Variants in SORBS2 observed in about 807,000 individuals in gnomAD.
The protein encoded by SORBS2 is sorbin and SH3 domain containing 2.
In SORBS2, 46 loss-of-function variants were observed where a neutral mutation model predicts 97.7. That is an observed-to-expected ratio of 0.47 (90% CI 0.37 to 0.60). SORBS2 has a LOEUF of 0.60. Among genes scored for constraint, SORBS2 ranks in the 20% least tolerant of loss-of-function variants. The probability of loss-of-function intolerance (pLI) is 0.00; values close to 1 mark genes in which losing one functional copy is unlikely to be tolerated. For synonymous variants in SORBS2, 476 were observed against 473.4 expected (o/e 1.01, Z -0.07); for missense variants, 1,316 against 1,282.3 (o/e 1.03, Z -0.40).
intron 2 of SORBS2, among the ~76,000 whole-genome samples, chr4:185,724,206 G>T (rs997280552): frequency 1.3e-5 from 2 of 151,604 alleles, no homozygotes; most frequent in South Asian, 4.2e-4. Context: ...TTCAGTATTG[G>T]CTTTTTTTTG....
chr4:185,824,608 C>A (rs1166678304), intron 1 of SORBS2, among the ~76,000 whole-genome samples: 1 of 152,128 alleles, frequency 6.6e-6, no homozygotes. Context: ...GACAACTCAA[C>A]TGAACTCAAT....
exon 1 of SORBS2, chr4:185,656,932 T>C: frequency 8.5e-7 from 1 of 1,179,780 alleles, no homozygotes; most frequent in Non-Finnish European, 1.0e-6. Context: ...ACATTAACTC[T>C]CTTCACTCCA....
intron 1 of SORBS2, among the ~76,000 whole-genome samples, chr4:185,953,674 G>A (rs1437940555): frequency 1.3e-5 from 2 of 152,216 alleles, no homozygotes; most frequent in Non-Finnish European, 2.9e-5. Flanking sequence ...TCTGTTGCTG[G>A]CTCCGTAGCC....
intron 12 of SORBS2, among the ~76,000 whole-genome samples, chr4:185,605,428 A>T (rs11132331): frequency 1.3e-5 from 2 of 151,932 alleles, no homozygotes; most frequent in South Asian, 2.1e-4. Context: ...GATTACAGGC[A>T]CCCAACACCA....
intron 1 of SORBS2, among the ~76,000 whole-genome samples, chr4:185,951,636 C>G (rs995825893): frequency 6.6e-6 from 1 of 152,192 alleles, no homozygotes; most frequent in Non-Finnish European, 1.5e-5. Flanking sequence ...TCCCTGGTAT[C>G]AGCAGTACCA....
chr4:185,779,734 G>A (rs1584701784), intron 1 of SORBS2, among the ~76,000 whole-genome samples: 1 of 152,190 alleles, frequency 6.6e-6, no homozygotes, highest in Non-Finnish European at 1.5e-5. Context: ...TAGATGTTTA[G>A]AGACCTCCCT....
chr4:185,865,461 GTAT>G (rs2099226348), intron 1 of SORBS2, among the ~76,000 whole-genome samples: 2 of 152,202 alleles, frequency 1.3e-5, no homozygotes, highest in South Asian at 2.1e-4. Context: ...ATCAGCAGAT[GTAT>G]TATTACCGGT....
rs1488175636 is a variant in SORBS2 at position 185,826,138 on chromosome 4, C to T, written c.-337-50772G>A. 2.6e-5 allele frequency among the ~76,000 whole-genome samples: 4 copies of T among 152,304 alleles called. No homozygotes were observed. In the East Asian group the frequency reaches 5.8e-4, roughly 22 times the overall value. ...ACACCTCATGAAATGTGGACTCAGA[C>T]AAAATATTTTAAAATTCATTTTGCC... On this transcript the variant is annotated intron_variant, in intron 1 of 20. Transcript: ENST00000284776.
intron 1 of SORBS2, among the ~76,000 whole-genome samples, chr4:185,864,635 G>T (rs2149719950): frequency 6.6e-6 from 1 of 152,342 alleles, no homozygotes; most frequent in African/African-American, 2.4e-5. Context: ...GAACGGCCGG[G>T]TGCGGTGGCT....
At chr4:185,950,446 T>C (rs756460573) in intron 1 of SORBS2, among the ~76,000 whole-genome samples, 7 of 152,110 alleles carry the variant, frequency 4.6e-5, no homozygotes, top group Non-Finnish European at 8.8e-5. Context: ...CCACAGTTAA[T>C]GGAAAAAGAG....
intron 1 of SORBS2, among the ~76,000 whole-genome samples, chr4:185,936,389 G>T (rs1274213731): frequency 6.6e-6 from 1 of 152,206 alleles, no homozygotes; most frequent in African/African-American, 2.4e-5. Context: ...AAGGCTGAAT[G>T]CAGTTGCACA....
chr4:185,939,516 T>C, intron 1 of SORBS2, among the ~76,000 whole-genome samples: 1 of 152,084 alleles, frequency 6.6e-6, no homozygotes, highest in East Asian at 1.9e-4. Flanking sequence ...GTCTCAACTT[T>C]CTTTTTTTTT....
intron 2 of SORBS2, among the ~76,000 whole-genome samples, chr4:185,681,739 A>G (rs1194084704): frequency 6.6e-6 from 1 of 152,072 alleles, no homozygotes; most frequent in East Asian, 1.9e-4. Flanking sequence ...TCTGTCTGAG[A>G]TTTTGTGCAA....
In SORBS2 at chr4:185,810,852, G is replaced by A. The variant is rs1028022802; in HGVS notation, c.-337-35486C>T. The A allele has an allele frequency of 6.0e-4, 92 of 152,134 alleles. 1 individual carries two copies. Among genetic ancestry groups the A allele is most frequent in the African/African-American group, 2.1e-3 (88 of 41,428 alleles). The allele number at this position is 152,134 out of a possible 1,614,324, so 9.4% of individuals were successfully genotyped here. A position where few individuals can be genotyped will look rare whatever the true frequency, so the allele number is the denominator to read the frequency against. On this transcript the variant is annotated intron_variant, in intron 1 of 20. Coordinates refer to the SORBS2 transcript ENST00000284776. ...GAGCGCAGATTTGGATGAGGTGTGC[G>A]GTGTTTTTGGTTTCACTCTTTATCT...
chr4:185,844,126 G>A (rs1314751415), intron 1 of SORBS2, among the ~76,000 whole-genome samples: 1 of 152,192 alleles, frequency 6.6e-6, no homozygotes, highest in Non-Finnish European at 1.5e-5. Context: ...AGAAAGGACA[G>A]TCTTGCTAAA....
intron 2 of SORBS2, among the ~76,000 whole-genome samples, chr4:185,691,001 G>A (rs1203776573): frequency 6.6e-6 from 1 of 151,978 alleles, no homozygotes; most frequent in Admixed American, 6.6e-5. Context: ...CTGGGTTCAA[G>A]CGATTCCCCT....
intron 6 of SORBS2, among the ~76,000 whole-genome samples, chr4:185,626,420 T>C (rs1465612349): frequency 2.0e-5 from 3 of 152,240 alleles, no homozygotes; most frequent in Non-Finnish European, 4.4e-5. Context: ...CAATGTATAT[T>C]TTAGCCAACA....
At chr4:185,867,763 C>G (rs1013357080) in intron 1 of SORBS2, among the ~76,000 whole-genome samples, 1 of 152,118 alleles carries the variant, frequency 6.6e-6, no homozygotes, top group Non-Finnish European at 1.5e-5. Flanking sequence ...ATTATCGACT[C>G]TCTCTAAATT....
At chr4:185,842,691 C>T (rs1260257167) in intron 1 of SORBS2, among the ~76,000 whole-genome samples, 2 of 152,206 alleles carry the variant, frequency 1.3e-5, no homozygotes, top group Non-Finnish European at 2.9e-5. Context: ...AATCCCAGCA[C>T]TCTGGGAGGC....
Sources: gnomAD v4.1 joint callset for allele counts (sites outside exome capture counted in the v4.1 genomes callset) on GRCh38, gnomAD v4.1.1 for gene constraint, MANE v1.5 for transcripts, NCBI Gene and HGNC (gene_info 2026-07-23, HGNC 2026-07-21) for gene names.